The following LYPLAL1 variants were observed in gnomAD, a reference collection of about 807,000 sequenced individuals.
LYPLAL1 encodes lysophospholipase-like protein 1.
Under a neutral mutation model 19.7 loss-of-function variants are expected in LYPLAL1, and 23 were observed. The ratio of observed to expected loss-of-function variants is 1.17; its 90% CI spans 0.84 to 1.65. LYPLAL1 has a LOEUF of 1.65. Among genes scored for constraint, LYPLAL1 ranks in the 40% most tolerant of loss-of-function variants. The pLI, the probability that LYPLAL1 is intolerant of heterozygous loss-of-function variation, is 0.00. For synonymous variants in LYPLAL1, 119 were observed against 96.3 expected (o/e 1.24, Z -1.38); for missense variants, 355 against 279.4 (o/e 1.27, Z -1.93).
the LYPLAL1 span, among the ~76,000 whole-genome samples, chr1:219,443,970 C>A: frequency 6.6e-6 from 1 of 152,290 alleles, no homozygotes; most frequent in African/African-American, 2.4e-5. Flanking sequence ...GTGAGACACA[C>A]TGATTCATCT....
At chr1:219,302,850 C>T in the LYPLAL1 span, among the ~76,000 whole-genome samples, 1 of 152,142 alleles carries the variant, frequency 6.6e-6, no homozygotes, top group African/African-American at 2.4e-5. Flanking sequence ...CACAGGAATT[C>T]CTCTGCTTCC....
At chr1:219,338,529 C>G in the LYPLAL1 span, among the ~76,000 whole-genome samples, 3 of 151,704 alleles carry the variant, frequency 2.0e-5, no homozygotes, top group Admixed American at 6.6e-5. Context: ...TCAGTTTCTT[C>G]ATCTTTAAAA....
chr1:219,230,586 A>G, the LYPLAL1 span, among the ~76,000 whole-genome samples: 1 of 152,224 alleles, frequency 6.6e-6, no homozygotes, highest in Non-Finnish European at 1.5e-5. Context: ...AGCTAATCTT[A>G]TGGCATTAAA....
At chr1:219,440,477 A>C in the LYPLAL1 span, among the ~76,000 whole-genome samples, 5 of 152,078 alleles carry the variant, frequency 3.3e-5, no homozygotes, top group Non-Finnish European at 7.4e-5. Flanking sequence ...AGACCACTGA[A>C]AGTGTGTAGA....
the LYPLAL1 span, among the ~76,000 whole-genome samples, chr1:219,427,173 T>G: frequency 4.6e-5 from 7 of 152,354 alleles, no homozygotes; most frequent in South Asian, 4.1e-4. Flanking sequence ...TCTTCATCAA[T>G]GTGGCCAAAA....
chr1:219,347,488 C>T, the LYPLAL1 span, among the ~76,000 whole-genome samples: 1 of 152,124 alleles, frequency 6.6e-6, no homozygotes, highest in South Asian at 2.1e-4. Flanking sequence ...ATCACCGGGG[C>T]CTTGTCCTGA....
the LYPLAL1 span, among the ~76,000 whole-genome samples, chr1:219,383,262 A>C: frequency 2.0e-5 from 3 of 152,262 alleles, no homozygotes; most frequent in African/African-American, 7.2e-5. Context: ...AACTCAAGTC[A>C]GTCCCTTTGG....
At chr1:219,419,615 A>AG in the LYPLAL1 span, among the ~76,000 whole-genome samples, 1 of 151,588 alleles carries the variant, frequency 6.6e-6, no homozygotes, top group African/African-American at 2.4e-5. Flanking sequence ...AGAGAGAGAC[A>AG]AATGTGCTTT....
At chr1:219,243,898 G>C in the LYPLAL1 span, among the ~76,000 whole-genome samples, 1 of 141,322 alleles carries the variant, frequency 7.1e-6, no homozygotes, top group Admixed American at 7.5e-5. Flanking sequence ...CAGCCTGGGG[G>C]ACGAGAGCAA....
the LYPLAL1 span, among the ~76,000 whole-genome samples, chr1:219,379,430 A>G: frequency 6.6e-6 from 1 of 152,176 alleles, no homozygotes; most frequent in Non-Finnish European, 1.5e-5. Context: ...AAGTTATTCA[A>G]TCACTTTTTG....
chr1:219,354,239 C>A, the LYPLAL1 span, among the ~76,000 whole-genome samples: 2 of 152,196 alleles, frequency 1.3e-5, no homozygotes, highest in Non-Finnish European at 2.9e-5. Context: ...CTCTGTCGCC[C>A]AGGCTAGAGT....
Position 219,211,859 on chromosome 1 carries a change from A to G in LYPLAL1, c.*131A>G, listed in dbSNP as rs547861220. 1.7e-6 allele frequency: 1 copy of G among 603,432 alleles called. No individual in the cohort carries two copies. The highest frequency in any genetic ancestry group is 2.4e-5 in the South Asian group (1 of 42,348). 37.4% of individuals were successfully genotyped at this position (603,432 alleles called of 1,614,324 possible). On this transcript the variant is annotated 3_prime_UTR_variant, in exon 5 of 5. Coordinates refer to ENST00000366928, the MANE Select transcript of LYPLAL1 (RefSeq NM_138794.5). ...TGACTTTTTTATTATTAAAATGCTT[A>G]TCACTGTAGACAGTAGCTAATCTTA...
chr1:219,411,046 A>G, the LYPLAL1 span, among the ~76,000 whole-genome samples: 1 of 152,204 alleles, frequency 6.6e-6, no homozygotes, highest in Non-Finnish European at 1.5e-5. Flanking sequence ...AGCGCACGGC[A>G]CAGGACTGGC....
chr1:219,283,553 C>T, the LYPLAL1 span, among the ~76,000 whole-genome samples: 1 of 152,060 alleles, frequency 6.6e-6, no homozygotes, highest in South Asian at 2.1e-4. Flanking sequence ...TTAAATTCTA[C>T]CCTCATCACT....
At chr1:219,443,902 C>G in the LYPLAL1 span, among the ~76,000 whole-genome samples, 1 of 152,156 alleles carries the variant, frequency 6.6e-6, no homozygotes, top group Non-Finnish European at 1.5e-5. Context: ...CCAGACAGGT[C>G]ACCATTCCCA....
the LYPLAL1 span, among the ~76,000 whole-genome samples, chr1:219,265,906 A>C: frequency 2.0e-5 from 3 of 152,152 alleles, no homozygotes; most frequent in African/African-American, 7.2e-5. Context: ...ATAACATAAA[A>C]AATGTAAGCC....
At chr1:219,400,364 A>G in the LYPLAL1 span, among the ~76,000 whole-genome samples, 1 of 152,194 alleles carries the variant, frequency 6.6e-6, no homozygotes, top group Admixed American at 6.5e-5. Flanking sequence ...TGTGTCACCC[A>G]GAGTGATAAA....
the LYPLAL1 span, among the ~76,000 whole-genome samples, chr1:219,424,025 T>C: frequency 1.3e-5 from 2 of 148,890 alleles, no homozygotes; most frequent in Non-Finnish European, 3.0e-5. Flanking sequence ...CTGTATATGA[T>C]ATATATTATA....
At chr1:219,392,877 A>G in the LYPLAL1 span, among the ~76,000 whole-genome samples, 1 of 152,210 alleles carries the variant, frequency 6.6e-6, no homozygotes, top group East Asian at 1.9e-4. Context: ...AATAAAACTA[A>G]CTCAGATACC....
Sources: gnomAD v4.1 joint callset for allele counts (sites outside exome capture counted in the v4.1 genomes callset) on GRCh38, gnomAD v4.1.1 for gene constraint, MANE v1.5 for transcripts, NCBI Gene and HGNC (gene_info 2026-07-23, HGNC 2026-07-21) for gene names.